Variants in BMP5 observed in about 807,000 individuals in gnomAD.
BMP5 encodes the protein bone morphogenetic protein 5.
In BMP5, 23 loss-of-function variants were observed where a neutral mutation model predicts 46.6. The observed-to-expected ratio is 0.49, with a 90% CI of 0.35 to 0.70. The LOEUF (loss-of-function observed/expected upper bound fraction) is 0.70. Ranked by LOEUF, BMP5 falls within the 30% of genes least tolerant of loss-of-function variation. The probability of loss-of-function intolerance (pLI) is 0.00; values close to 1 mark genes in which losing one functional copy is unlikely to be tolerated. For missense variants in BMP5, 545 were observed against 565.6 expected (o/e 0.96, Z 0.37); for synonymous variants, 204 against 191.9 (o/e 1.06, Z -0.52).
chr6:55,811,339 G>T (rs1776130055), intron 2 of BMP5, among the ~76,000 whole-genome samples: 1 of 152,136 alleles, frequency 6.6e-6, no homozygotes, highest in Admixed American at 6.5e-5. Flanking sequence ...ATGGAGTACA[G>T]AAATTTATAT....
chr6:55,864,794 G>T (rs1398850815), intron 1 of BMP5, among the ~76,000 whole-genome samples: 3 of 151,810 alleles, frequency 2.0e-5, no homozygotes, highest in Non-Finnish European at 4.4e-5. Flanking sequence ...TTTATGTATG[G>T]CCTTTTGTGT....
intron 2 of BMP5, among the ~76,000 whole-genome samples, chr6:55,818,538 T>C (rs962995888): frequency 1.3e-5 from 2 of 152,152 alleles, no homozygotes; most frequent in East Asian, 3.9e-4. Flanking sequence ...ATTAAATTGA[T>C]TTAAAATAAA....
intron 2 of BMP5, 46 bp downstream of exon 2, chr6:55,819,609 T>C (rs1776359673): frequency 6.7e-7 from 1 of 1,499,424 alleles, no homozygotes; most frequent in Non-Finnish European, 9.2e-7. Flanking sequence ...TTACTAAAAT[T>C]TTACATATAT....
At chr6:55,821,245 T>C (rs1346414287) in intron 1 of BMP5, among the ~76,000 whole-genome samples, 3 of 152,112 alleles carry the variant, frequency 2.0e-5, no homozygotes, top group Non-Finnish European at 4.4e-5. Flanking sequence ...TTTGCCTTCA[T>C]CCTCCATAAT....
chr6:55,852,756 C>T lies in BMP5; in HGVS notation c.490+21620G>A, dbSNP rs568998772. 3.3e-5 allele frequency among the ~76,000 whole-genome samples: 5 copies of T among 152,254 alleles called. No individual in the cohort carries two copies. The East Asian group carries it at 9.6e-4, about 29-fold the overall frequency. The stretch of plus-strand genomic sequence containing the variant: ...TAATTATTGATAGTGATAACCAGTA[C>T]ACTAGTTTGGTTTGCTGTCATTCTT... On this transcript the variant is annotated intron_variant, in intron 1 of 6. Coordinates refer to ENST00000370830, the MANE Select transcript of BMP5 (RefSeq NM_021073.4).
rs71815473 is a variant in BMP5 at position 55,836,619 on chromosome 6, C to CACAT, written c.491-16776_491-16773dup. 4.9e-5 allele frequency among the ~76,000 whole-genome samples: 7 copies of CACAT among 142,206 alleles called. No homozygotes were observed. In the East Asian group the frequency reaches 8.2e-4, roughly 17 times the overall value. 93.3% of individuals were successfully genotyped at this position (142,206 alleles called of 152,430 possible). A position where few individuals can be genotyped will look rare whatever the true frequency, so the allele number is the denominator to read the frequency against. The stretch of plus-strand genomic sequence containing the variant: ...CTCACCCCACCAACACACACACAAA[C>CACAT]ACATACATACATACACACACACACA... On this transcript the variant is annotated intron_variant, in intron 1 of 6. Coordinates refer to ENST00000370830, the MANE Select transcript of BMP5 (RefSeq NM_021073.4).
At chr6:55,844,571 T>A (rs1777051006) in intron 1 of BMP5, among the ~76,000 whole-genome samples, 1 of 152,002 alleles carries the variant, frequency 6.6e-6, no homozygotes, top group African/African-American at 2.4e-5. Flanking sequence ...CAGATTACTT[T>A]CTTTTCCAAA....
At chr6:55,785,196 A>G (rs566937313) in intron 3 of BMP5, among the ~76,000 whole-genome samples, 1 of 151,916 alleles carries the variant, frequency 6.6e-6, no homozygotes, top group Non-Finnish European at 1.5e-5. Context: ...GAAAGAACAA[A>G]TTGATATTGG....
chr6:55,772,331 G>C (rs1775066299), intron 4 of BMP5, among the ~76,000 whole-genome samples: 1 of 151,840 alleles, frequency 6.6e-6, no homozygotes, highest in African/African-American at 2.4e-5. Flanking sequence ...AAAGGACTTT[G>C]ATGATTTCAG....
chr6:55,816,793 G>C (rs1355819971), intron 2 of BMP5, among the ~76,000 whole-genome samples: 1 of 152,030 alleles, frequency 6.6e-6, no homozygotes, highest in African/African-American at 2.4e-5. Context: ...AAATAGAATT[G>C]AGAGGGCATG....
At chr6:55,838,884 A>T (rs1048748825) in intron 1 of BMP5, among the ~76,000 whole-genome samples, 1 of 152,122 alleles carries the variant, frequency 6.6e-6, no homozygotes, top group South Asian at 2.1e-4. Flanking sequence ...GCTCAAATTC[A>T]TATATTTGTT....
intron 6 of BMP5, 102 bp from the exon 7 acceptor site, chr6:55,755,784 C>A: frequency 1.7e-6 from 2 of 1,143,538 alleles, no homozygotes; most frequent in Non-Finnish European, 2.6e-6. Context: ...TCAGGCACAC[C>A]ATTAAGCTGA....
intron 1 of BMP5, among the ~76,000 whole-genome samples, chr6:55,858,868 T>C (rs1198107685): frequency 6.6e-6 from 1 of 151,990 alleles, no homozygotes; most frequent in Non-Finnish European, 1.5e-5. Flanking sequence ...AACACAGGAA[T>C]AGAAAACCAA....
intron 3 of BMP5, among the ~76,000 whole-genome samples, chr6:55,783,095 C>G (rs1396986022): frequency 6.6e-6 from 1 of 151,986 alleles, no homozygotes; most frequent in Non-Finnish European, 1.5e-5. Context: ...CTGCTTCTTT[C>G]GTTAAGTTCA....
intron 1 of BMP5, among the ~76,000 whole-genome samples, chr6:55,837,830 G>A (rs1776855399): frequency 6.6e-6 from 1 of 152,022 alleles, no homozygotes; most frequent in Non-Finnish European, 1.5e-5. Context: ...CCCAGCCTCT[G>A]GTAACCATCT....
At chr6:55,805,887 A>G (rs1775976313) in intron 2 of BMP5, among the ~76,000 whole-genome samples, 1 of 151,992 alleles carries the variant, frequency 6.6e-6, no homozygotes, top group East Asian at 1.9e-4. Flanking sequence ...GTGTCTGTTC[A>G]TATCCTTTGC....
intron 1 of BMP5, among the ~76,000 whole-genome samples, chr6:55,873,105 T>C (rs1361515749): frequency 6.6e-6 from 1 of 151,836 alleles, no homozygotes; most frequent in Non-Finnish European, 1.5e-5. Context: ...AAGTACCTTA[T>C]CCTTCATGCT....
chr6:55,868,688 T>A (rs765703834), intron 1 of BMP5, among the ~76,000 whole-genome samples: 1 of 152,220 alleles, frequency 6.6e-6, no homozygotes, highest in Non-Finnish European at 1.5e-5. Flanking sequence ...TAGGTGTTAC[T>A]ACTACTTGGT....
chr6:55,802,193 C>G (rs1172291091), intron 2 of BMP5, among the ~76,000 whole-genome samples: 1 of 152,100 alleles, frequency 6.6e-6, no homozygotes, highest in Non-Finnish European at 1.5e-5. Flanking sequence ...GTCCAGAGCT[C>G]TTAGTTCCCA....
Sources: allele counts gnomAD v4.1 joint callset (sites outside exome capture counted in the v4.1 genomes callset), GRCh38; gene constraint gnomAD v4.1.1; transcripts MANE v1.5; gene names NCBI Gene and HGNC (gene_info 2026-07-23, HGNC 2026-07-21).